The following NFKB2 variants were observed in gnomAD, a reference collection of about 807,000 sequenced individuals.
NFKB2 encodes nuclear factor NF-kappa-B p100 subunit.
A neutral mutation model predicts 109.3 loss-of-function variants in NFKB2; 21 were observed. That is an observed-to-expected ratio of 0.19 (90% CI 0.14 to 0.28). The LOEUF is 0.28. NFKB2 is among the 10% of genes least tolerant of loss of function. The pLI, the probability that NFKB2 is intolerant of heterozygous loss-of-function variation, is 1.00. For missense variants in NFKB2, 806 were observed against 1,185.3 expected (o/e 0.68, Z 4.70); for synonymous variants, 478 against 489.9 (o/e 0.98, Z 0.32).
chr10:102,402,399 C>A lies in NFKB2; in HGVS notation c.*23C>A, dbSNP rs755760178. On this transcript the variant is annotated 3_prime_UTR_variant, in exon 23 of 23. Transcript: ENST00000661543. ...TGACCTGCTGCCTGCCCCCAGCCCC[C>A]TTCCCGGACCCCCTGTACAGCGTCC... 1.4e-6 allele frequency: 2 copies of A among 1,436,466 alleles called. No homozygotes were observed. Among genetic ancestry groups the A allele is most frequent in the East Asian group, 2.3e-5 (1 of 43,320 alleles). 89.0% of individuals were successfully genotyped at this position (1,436,466 alleles called of 1,614,324 possible). A position where few individuals can be genotyped will look rare whatever the true frequency, so the allele number is the denominator to read the frequency against.
In NFKB2 at chr10:102,397,598, C is replaced by T; in HGVS notation, c.574C>T (p.Leu192=). 1 of 1,614,104 alleles carries T rather than the reference C, an allele frequency of 6.2e-7. No homozygotes were observed. Among genetic ancestry groups the T allele is most frequent in the African/African-American group, 1.3e-5 (1 of 75,046 alleles). The change falls in exon 8 of 23, where the codon CTG becomes TTG. Residue 192 remains leucine (L), a synonymous_variant. Transcript: ENST00000661543. This position sits in a 1 kb window ranked among gnomAD's most constrained non-coding sequence, Gnocchi z 4.7. ...KKVMDLSIVR[L]RFSAFLRASD... The stretch of plus-strand genomic sequence containing the variant: ...GGTGATGGATCTGAGTATAGTGCGG[C>T]TGCGCTTCTCTGCCTTCCTTAGAGC...
In NFKB2 at chr10:102,402,150, C is replaced by T. The variant is rs2061272270; in HGVS notation, c.2569C>T (p.Pro857Ser). 2 of 1,574,006 alleles carry T rather than the reference C, an allele frequency of 1.3e-6. No individual in the cohort carries two copies. The highest frequency in any genetic ancestry group is 1.2e-5 in the South Asian group (1 of 85,814). The change falls in exon 22 of 23, where the codon CCC (proline) becomes TCC (serine). Residue 857 changes from proline to serine, a missense_variant. Transcript: ENST00000661543. The part of the protein sequence containing the change: ...LRGPETRDKL[P>S]STAEVKEDSA... ...GGGTCCAGAAACCCGAGACAAGCTG[C>T]CCAGCACAGGTAAAGGGGCCTCCCT...
rs1306010100 is a variant in NFKB2, at chr10:102,396,229, A to AC, written c.22-19dup. ...TGGGGGGTGCTGAGAGTCGGATGCC[A>AC]CCCCCAGTCTGTCTCCAAACCAGGG... On this transcript the variant is annotated intron_variant, in intron 2 of 22. Transcript: ENST00000661543. This position sits in a 1 kb window ranked among gnomAD's most constrained non-coding sequence, Gnocchi z 5.9. 1 of 1,593,852 alleles carries AC rather than the reference A, an allele frequency of 6.3e-7. No homozygotes were observed. Among genetic ancestry groups the AC allele is most frequent in the Admixed American group, 1.7e-5 (1 of 59,416 alleles).
chr10:102,399,563 T>C lies in NFKB2; in HGVS notation c.1328-14T>C, dbSNP rs545097074. 7.1e-6 allele frequency: 11 copies of C among 1,548,376 alleles called. No homozygotes were observed. In the Admixed American group the frequency reaches 1.8e-4, roughly 25 times the overall value. On this transcript the variant is annotated splice_polypyrimidine_tract_variant and intron_variant, in intron 13 of 22. Coordinates refer to ENST00000661543, the MANE Select transcript of NFKB2 (RefSeq NM_001322934.2). ...GAGGACCTAGCCCTGACCCACGCCC[T>C]CTGTGGCCCGTAGCTCGAGAGTACA...
Position 102,397,401 on chromosome 10 carries a change from C to A in NFKB2, c.495C>A (p.Gly165=). 1 of 1,604,670 alleles carries A rather than the reference C, an allele frequency of 6.2e-7. No homozygotes were observed. Among genetic ancestry groups the A allele is most frequent in the South Asian group, 1.1e-5 (1 of 90,786 alleles). ...AGCGGCTCCGCTCTAGGCCCCAGGG[C>A]CTTACGGGTATGGGTGCAGGGGGTG... ...QRQRLRSRPQ[G]LTEAEQRELE... Residue 165 remains glycine, a synonymous_variant, in exon 7 of 23, where the codon GGC becomes GGA. Transcript: ENST00000661543. The surrounding 1 kb of genome is among the most constrained non-coding windows in gnomAD (Gnocchi z 4.7).
chr10:102,396,664 G>A lies in NFKB2; in HGVS notation c.145-61G>A. On this transcript the variant is annotated intron_variant, in intron 4 of 22. Transcript: ENST00000661543. This position sits in a 1 kb window ranked among gnomAD's most constrained non-coding sequence, Gnocchi z 5.9. ...TTCAGGGCTACTACCAGGCACTGCGGTCACTGCTGGCCTGGGTGGTCTTCC... is the reference window on the plus strand; with the variant it reads ...TTCAGGGCTACTACCAGGCACTGCGATCACTGCTGGCCTGGGTGGTCTTCC... 6.4e-7 allele frequency: 1 copy of A among 1,565,852 alleles called. No homozygotes were observed.
At position 102,397,211 on chromosome 10, in the gene NFKB2, G is replaced by A; in HGVS notation, c.396-91G>A. On this transcript the variant is annotated intron_variant, in intron 6 of 22. Coordinates refer to ENST00000661543, the MANE Select transcript of NFKB2 (RefSeq NM_001322934.2). This position sits in a 1 kb window ranked among gnomAD's most constrained non-coding sequence, Gnocchi z 4.7. ...TAGAAACTCCAATGGCTTCCTTGAG[G>A]AAGTAAGGCTGAGCTGAGCCCTGGC... 1 of 1,539,204 alleles carries A rather than the reference G, an allele frequency of 6.5e-7. No individual in the cohort carries two copies. Among genetic ancestry groups the A allele is most frequent in the Non-Finnish European group, 8.9e-7 (1 of 1,122,712 alleles).
At position 102,396,659 on chromosome 10, in the gene NFKB2, C is replaced by T. The variant is rs1242308700; in HGVS notation, c.145-66C>T. On this transcript the variant is annotated intron_variant, in intron 4 of 22. Transcript: ENST00000661543. This position sits in a 1 kb window ranked among gnomAD's most constrained non-coding sequence, Gnocchi z 5.9. ...TTTGGTTCAGGGCTACTACCAGGCA[C>T]TGCGGTCACTGCTGGCCTGGGTGGT... 22 of 1,558,288 alleles carry T rather than the reference C, an allele frequency of 1.4e-5. No homozygotes were observed. Among genetic ancestry groups the T allele is most frequent in the Non-Finnish European group, 1.9e-5 (22 of 1,130,942 alleles).
rs1195701713 is a variant in NFKB2 at position 102,399,506 on chromosome 10, T to G, written c.1327+9T>G. ...GGAGATGCTGCAGCGAGGTATGGAC[T>G]CCGGGGCACGGGCGGTCGGGGCGCC... On this transcript the variant is annotated intron_variant, in intron 13 of 22. Coordinates refer to ENST00000661543, the MANE Select transcript of NFKB2 (RefSeq NM_001322934.2). The G allele has an allele frequency of 6.7e-7, 1 of 1,500,084 alleles. No homozygotes were observed. Among genetic ancestry groups the G allele is most frequent in the Non-Finnish European group, 8.9e-7 (1 of 1,123,268 alleles). 92.9% of individuals were successfully genotyped at this position (1,500,084 alleles called of 1,614,324 possible). A position where few individuals can be genotyped will look rare whatever the true frequency, so the allele number is the denominator to read the frequency against.
Position 102,398,136 on chromosome 10 carries a change from G to A in NFKB2, c.766+51G>A. On this transcript the variant is annotated intron_variant, in intron 9 of 22. Coordinates refer to ENST00000661543, the MANE Select transcript of NFKB2 (RefSeq NM_001322934.2). This position sits in a 1 kb window ranked among gnomAD's most constrained non-coding sequence, Gnocchi z 6.6. ...CCAAGGACATCGAGTATAAGACTGG[G>A]GCCAGGGAAGCTCTAGGGTAAATGG... is the stretch of plus-strand genomic sequence containing the variant. 5.6e-6 allele frequency: 9 copies of A among 1,612,668 alleles called. No individual in the cohort carries two copies. Among genetic ancestry groups the A allele is most frequent in the Non-Finnish European group, 7.6e-6 (9 of 1,178,704 alleles).
Position 102,396,700 on chromosome 10 carries a change from T to C in NFKB2, c.145-25T>C, listed in dbSNP as rs1308138795. ...CCTGGGTGGTCTTCCCTGATCACAA[T>C]GCTACTATGCCCTTGGACCTTCAGA... On this transcript the variant is annotated intron_variant, in intron 4 of 22. Transcript: ENST00000661543. This position sits in a 1 kb window ranked among gnomAD's most constrained non-coding sequence, Gnocchi z 5.9. 6.2e-7 allele frequency: 1 copy of C among 1,603,342 alleles called. No individual in the cohort carries two copies. The highest frequency in any genetic ancestry group is 1.3e-5 in the African/African-American group (1 of 74,708).
chr10:102,396,287 A>G lies in NFKB2; in HGVS notation c.56A>G (p.Lys19Arg). ...LDGIIEYDDF[K>R]LNSSIVEPKE... ...GGTATTATTGAATATGATGATTTCA[A>G]ATTGAACTCCTCCATTGTGGAACCC... Residue 19 changes from lysine to arginine, a missense_variant, in exon 3 of 23, where the codon AAA becomes AGA. By Grantham distance (26) the Lys-to-Arg change is conservative. Coordinates refer to ENST00000661543, the MANE Select transcript of NFKB2 (RefSeq NM_001322934.2). The surrounding 1 kb of genome is among the most constrained non-coding windows in gnomAD (Gnocchi z 5.9). 1.2e-6 allele frequency: 2 copies of G among 1,613,006 alleles called. No homozygotes were observed. Among genetic ancestry groups the G allele is most frequent in the Non-Finnish European group, 1.7e-6 (2 of 1,179,110 alleles).
upstream of NFKB2, among the ~76,000 whole-genome samples, chr10:102,395,325 GCCGT>G (rs2061084732): frequency 6.6e-6 from 1 of 152,184 alleles, no homozygotes; most frequent in East Asian, 1.9e-4. Context: ...CGAAGGGGAG[GCCGT>G]CCGACAGCAG....
upstream of NFKB2, chr10:102,395,614 C>A (rs1036851442): frequency 4.4e-6 from 2 of 452,734 alleles, no homozygotes; most frequent in Admixed American, 7.5e-5. Flanking sequence ...CCCCTCCCGT[C>A]GCGAGGGCGG....
At position 102,401,640 on chromosome 10, in the gene NFKB2, T is replaced by G; in HGVS notation, c.2294-105T>G. The G allele has an allele frequency of 6.6e-7, 1 of 1,522,948 alleles. No individual in the cohort carries two copies. Among genetic ancestry groups the G allele is most frequent in the East Asian group, 2.3e-5 (1 of 44,006 alleles). The allele number at this position is 1,522,948 out of a possible 1,614,324, so 94.3% of individuals were successfully genotyped here. On this transcript the variant is annotated intron_variant, in intron 20 of 22. Coordinates refer to ENST00000661543, the MANE Select transcript of NFKB2 (RefSeq NM_001322934.2). This position sits in a 1 kb window ranked among gnomAD's most constrained non-coding sequence, Gnocchi z 4.2. ...CCTCAGCCCCGTCCATCACCCCTCA[T>G]GGTCCTGTCTGTCGCTTACCTTGGG...
Position 102,396,666 on chromosome 10 carries a change from C to A in NFKB2, c.145-59C>A. On this transcript the variant is annotated intron_variant, in intron 4 of 22. Coordinates refer to ENST00000661543, the MANE Select transcript of NFKB2 (RefSeq NM_001322934.2). This position sits in a 1 kb window ranked among gnomAD's most constrained non-coding sequence, Gnocchi z 5.9. ...CAGGGCTACTACCAGGCACTGCGGTCACTGCTGGCCTGGGTGGTCTTCCCT... is the reference window on the plus strand; with the variant it reads ...CAGGGCTACTACCAGGCACTGCGGTAACTGCTGGCCTGGGTGGTCTTCCCT... The A allele has an allele frequency of 6.4e-7, 1 of 1,565,048 alleles. No homozygotes were observed. Among genetic ancestry groups the A allele is most frequent in the Non-Finnish European group, 8.8e-7 (1 of 1,137,002 alleles).
At position 102,397,350 on chromosome 10, in the gene NFKB2, G is replaced by A. The variant is rs2061133453; in HGVS notation, c.444G>A (p.Gly148=). The A allele has an allele frequency of 1.9e-6, 3 of 1,611,436 alleles. No individual in the cohort carries two copies. Among genetic ancestry groups the A allele is most frequent in the Non-Finnish European group, 8.5e-7 (1 of 1,179,374 alleles). ...ATGTGACTAAGAAGAACATGATGGGGACTATGATACAAAAACTTCAGAGGC... is the reference window on the plus strand; with the variant it reads ...ATGTGACTAAGAAGAACATGATGGGAACTATGATACAAAAACTTCAGAGGC... ...VLHVTKKNMM[G]TMIQKLQRQR... Residue 148 remains glycine, a synonymous_variant, in exon 7 of 23, where the codon GGG becomes GGA. Transcript: ENST00000661543. The surrounding 1 kb of genome is among the most constrained non-coding windows in gnomAD (Gnocchi z 4.7).
Position 102,396,419 on chromosome 10 carries a change from C to T in NFKB2, c.104-30C>T, listed in dbSNP as rs764920552. ...CTCTCTGGGGGAGGGGCTGGGAGATCGTGGCTCAGCAAGGTCTCTCTGTCC... is the reference window on the plus strand; with the variant it reads ...CTCTCTGGGGGAGGGGCTGGGAGATTGTGGCTCAGCAAGGTCTCTCTGTCC... On this transcript the variant is annotated intron_variant, in intron 3 of 22. Coordinates refer to ENST00000661543, the MANE Select transcript of NFKB2 (RefSeq NM_001322934.2). This position sits in a 1 kb window ranked among gnomAD's most constrained non-coding sequence, Gnocchi z 5.9. The T allele has an allele frequency of 2.5e-6, 4 of 1,614,048 alleles. No individual in the cohort carries two copies. Among genetic ancestry groups the T allele is most frequent in the East Asian group, 4.5e-5 (2 of 44,884 alleles).
Position 102,397,663 on chromosome 10 carries a change from C to A in NFKB2, c.639C>A (p.Ile213=). ...GSFSLPLKPV[I]SQPIHDSKSP... ...TCTCCCTGCCCCTGAAGCCAGTCAT[C>A]TCCCAGCCCATCCATGACAGCAGTG... The change falls in exon 8 of 23, where the codon ATC becomes ATA. Residue 213 remains isoleucine, a synonymous_variant. Coordinates refer to ENST00000661543, the MANE Select transcript of NFKB2 (RefSeq NM_001322934.2). This position sits in a 1 kb window ranked among gnomAD's most constrained non-coding sequence, Gnocchi z 4.7. 1 of 1,612,648 alleles carries A rather than the reference C, an allele frequency of 6.2e-7. No homozygotes were observed. Among genetic ancestry groups the A allele is most frequent in the Non-Finnish European group, 8.5e-7 (1 of 1,178,806 alleles).
Sources: allele counts gnomAD v4.1 joint callset (sites outside exome capture counted in the v4.1 genomes callset), GRCh38; gene constraint gnomAD v4.1.1; non-coding constraint Gnocchi (gnomAD v3.1); transcripts MANE v1.5; gene names NCBI Gene and HGNC (gene_info 2026-07-23, HGNC 2026-07-21).